Variants in ITGB5 observed in about 807,000 individuals in gnomAD.
ITGB5 encodes integrin beta-5.
In ITGB5, 38 loss-of-function variants were observed where a neutral mutation model predicts 84.8. That is an observed-to-expected ratio of 0.45 (90% CI 0.35 to 0.59). ITGB5 has a LOEUF of 0.59. Ranked by LOEUF, ITGB5 falls within the 20% of genes least tolerant of loss-of-function variation. The pLI, the probability that ITGB5 is intolerant of heterozygous loss-of-function variation, is 0.01. For missense variants in ITGB5, 905 were observed against 1,034.5 expected (o/e 0.87, Z 1.72); for synonymous variants, 393 against 414.4 (o/e 0.95, Z 0.63).
At chr3:124,773,649 C>G in intron 11 of ITGB5, 41 bp downstream of exon 11, 2 of 1,591,388 alleles carry the variant, frequency 1.3e-6, no homozygotes, top group Non-Finnish European at 1.7e-6. Flanking sequence ...CAGGCCTGGC[C>G]TGGGTGAGAA....
chr3:124,860,185 G>A (rs937507257), intron 2 of ITGB5, among the ~76,000 whole-genome samples: 6 of 152,148 alleles, frequency 3.9e-5, no homozygotes, highest in South Asian at 2.1e-4. Context: ...TGATATATAC[G>A]GCAGTATTAC....
At chr3:124,768,490 A>G (rs920742356) in intron 12 of ITGB5, among the ~76,000 whole-genome samples, 7 of 152,212 alleles carry the variant, frequency 4.6e-5, no homozygotes, top group African/African-American at 1.7e-4. Flanking sequence ...GACATTTCAT[A>G]TGAACAGAAC....
chr3:124,861,954 A>G (rs1395604591), intron 2 of ITGB5: 1 of 152,308 alleles, frequency 6.6e-6, no homozygotes, highest in African/African-American at 2.4e-5. Context: ...CAGTGAGAAG[A>G]AAAACACAGG....
At chr3:124,781,193 A>G (rs2064000422) in intron 10 of ITGB5, 1 of 152,232 alleles carries the variant, frequency 6.6e-6, no homozygotes, top group African/African-American at 2.4e-5. Context: ...CACCAGAGCC[A>G]GACCCGGGAT....
At chr3:124,894,577 C>T (rs1367958163) in intron 1 of ITGB5, 2 of 152,214 alleles carry the variant, frequency 1.3e-5, no homozygotes, top group Non-Finnish European at 2.9e-5. Context: ...TAAATGCCCT[C>T]TTTCCGCTGG....
chr3:124,830,740 T>C (rs536086960), intron 5 of ITGB5, among the ~76,000 whole-genome samples: 1 of 152,222 alleles, frequency 6.6e-6, no homozygotes, highest in African/African-American at 2.4e-5. Context: ...TCCTAGCCCT[T>C]TGGGAGGCCA....
chr3:124,764,350 A>AG, intron 14 of ITGB5, 41 bp downstream of exon 14: 1 of 1,581,504 alleles, frequency 6.3e-7, no homozygotes. Flanking sequence ...CACGCCTCTG[A>AG]GCTTGAAGTC....
intron 1 of ITGB5, among the ~76,000 whole-genome samples, chr3:124,874,306 G>GAAAAAAAAAAAAAAAAAAAA (rs59287818): frequency 3.5e-5 from 4 of 113,372 alleles, no homozygotes; most frequent in Non-Finnish European, 5.2e-5. Context: ...TCAAAAGCCG[G>GAAAAAAAAAAAAAAAAAAAA]AAAAAAAAAA....
At chr3:124,800,041 G>A (rs903835943) in intron 9 of ITGB5, among the ~76,000 whole-genome samples, 1 of 152,200 alleles carries the variant, frequency 6.6e-6, no homozygotes, top group African/African-American at 2.4e-5. Context: ...TTGAGGGGCA[G>A]ATGCCATCCC....
chr3:124,886,614 C>G (rs897558921), intron 1 of ITGB5, among the ~76,000 whole-genome samples: 1 of 152,110 alleles, frequency 6.6e-6, no homozygotes, highest in African/African-American at 2.4e-5. Context: ...GGCCCCAAGG[C>G]AGGGCTGGCG....
intron 11 of ITGB5, among the ~76,000 whole-genome samples, chr3:124,770,868 C>T (rs1253175660): frequency 6.6e-6 from 1 of 152,198 alleles, no homozygotes; most frequent in Non-Finnish European, 1.5e-5. Context: ...CAGCTTCAGT[C>T]ATTCATGCTG....
intron 8 of ITGB5, among the ~76,000 whole-genome samples, chr3:124,809,697 G>T (rs1412270885): frequency 6.6e-6 from 1 of 152,098 alleles, no homozygotes; most frequent in African/African-American, 2.4e-5. Flanking sequence ...ATCAGATGAG[G>T]TCCATATGCC....
rs760589255 is a variant in ITGB5, at chr3:124,773,893, G to T, written c.1713C>A (p.Cys571Ter). ...VLCSGHGECH[C>*]GECKCHAGYI... ...AACCTGCATGGCACTTGCATTCCCC[G>T]CAGTGACACTCGCCATGGCCTAAAA... Residue 571 changes from cysteine to a stop codon, truncating the protein, a stop_gained, in exon 11 of 15, where the codon TGC becomes TGA. Coordinates refer to ENST00000296181, the MANE Select transcript of ITGB5 (RefSeq NM_002213.5). LOFTEE classifies it high-confidence loss of function. 1 of 1,614,126 alleles carries T rather than the reference G, an allele frequency of 6.2e-7. No individual in the cohort carries two copies. Among genetic ancestry groups the T allele is most frequent in the Non-Finnish European group, 8.5e-7 (1 of 1,180,022 alleles).
intron 9 of ITGB5, among the ~76,000 whole-genome samples, chr3:124,800,928 C>T (rs551805261): frequency 9.8e-5 from 15 of 152,338 alleles, no homozygotes; most frequent in African/African-American, 3.4e-4. Flanking sequence ...GCAGCCCTCC[C>T]ACTCGGTCTT....
intron 2 of ITGB5, among the ~76,000 whole-genome samples, chr3:124,866,774 G>A (rs2065397744): frequency 6.6e-6 from 1 of 152,168 alleles, no homozygotes; most frequent in African/African-American, 2.4e-5. Flanking sequence ...GGATTTGAGG[G>A]GAAGGTAGCT....
intron 2 of ITGB5, among the ~76,000 whole-genome samples, chr3:124,867,758 A>G (rs1330698586): frequency 6.6e-6 from 1 of 152,206 alleles, no homozygotes; most frequent in Non-Finnish European, 1.5e-5. Flanking sequence ...CACATTCCTC[A>G]TGACAACTGG....
chr3:124,878,898 T>C (rs940292178), intron 1 of ITGB5, among the ~76,000 whole-genome samples: 5 of 152,184 alleles, frequency 3.3e-5, no homozygotes, highest in African/African-American at 1.2e-4. Context: ...GCAGCCCAGA[T>C]GATAGCCACA....
At chr3:124,820,757 T>C (rs575185115) in intron 6 of ITGB5, among the ~76,000 whole-genome samples, 3 of 152,304 alleles carry the variant, frequency 2.0e-5, no homozygotes, top group Non-Finnish European at 2.9e-5. Flanking sequence ...TCTATTATTA[T>C]ATATCTTTGA....
intron 4 of ITGB5, among the ~76,000 whole-genome samples, chr3:124,847,799 A>G (rs1559966539): frequency 6.6e-6 from 1 of 152,208 alleles, no homozygotes; most frequent in African/African-American, 2.4e-5. Context: ...TAATATGTCA[A>G]ATCTTTTCTA....
Sources: gnomAD v4.1 joint callset for allele counts (sites outside exome capture counted in the v4.1 genomes callset) on GRCh38, gnomAD v4.1.1 for gene constraint, MANE v1.5 for transcripts, NCBI Gene and HGNC (gene_info 2026-07-23, HGNC 2026-07-21) for gene names.